The following NCAPD3 variants were observed in gnomAD, a reference collection of about 807,000 sequenced individuals.
NCAPD3 encodes non-SMC condensin II complex subunit D3.
Under a neutral mutation model 182.9 loss-of-function variants are expected in NCAPD3, and 105 were observed. That is an observed-to-expected ratio of 0.57 (90% confidence interval 0.49 to 0.68). The LOEUF (loss-of-function observed/expected upper bound fraction) is 0.68. NCAPD3 is among the 30% of genes least tolerant of loss of function. The probability of loss-of-function intolerance (pLI) is 0.00; values close to 1 mark genes in which losing one functional copy is unlikely to be tolerated. For missense variants in NCAPD3, 1,944 were observed against 1,837.0 expected (o/e 1.06, Z -1.07); for synonymous variants, 815 against 679.9 (o/e 1.20, Z -3.09).
At chr11:134,166,065 C>G (rs1211268593) in intron 27 of NCAPD3, among the ~76,000 whole-genome samples, 8 of 55,062 alleles carry the variant, frequency 1.5e-4, no homozygotes, top group South Asian at 1.1e-3. Flanking sequence ...CTTGGGGGAG[C>G]AGCACACTCA....
chr11:134,153,536 G>A (rs1312376246), intron 32 of NCAPD3, 173 bp from the exon 33 acceptor site: 3 of 672,690 alleles, frequency 4.5e-6, no homozygotes, highest in African/African-American at 1.8e-5. Context: ...CCCTCCTGGG[G>A]ATGCTCCTTT....
chr11:134,219,088 C>T (rs1452048815), intron 2 of NCAPD3, among the ~76,000 whole-genome samples: 1 of 152,204 alleles, frequency 6.6e-6, no homozygotes, highest in Non-Finnish European at 1.5e-5. Flanking sequence ...CCTTACTCTA[C>T]CTTACCATCC....
chr11:134,171,407 G>C (rs1306997323), intron 24 of NCAPD3, among the ~76,000 whole-genome samples: 1 of 152,118 alleles, frequency 6.6e-6, no homozygotes, highest in Non-Finnish European at 1.5e-5. Context: ...TCTGTTTTCA[G>C]CTTTAGTAGG....
At chr11:134,165,828 G>T (rs1398058172) in intron 27 of NCAPD3, among the ~76,000 whole-genome samples, 1 of 147,352 alleles carries the variant, frequency 6.8e-6, no homozygotes, top group Non-Finnish European at 1.5e-5. Context: ...ATGAGCTTGG[G>T]GGAGGCGCAC....
chr11:134,225,387 C>G (rs1315234957), upstream of NCAPD3: 8 of 1,601,368 alleles, frequency 5.0e-6, no homozygotes, highest in Non-Finnish European at 6.8e-6. Context: ...CGCCGACAGC[C>G]GGCCGGGGAG....
chr11:134,221,343 C>G (rs1938219195), intron 1 of NCAPD3, among the ~76,000 whole-genome samples: 1 of 151,704 alleles, frequency 6.6e-6, no homozygotes, highest in African/African-American at 2.4e-5. Flanking sequence ...AACTCTAAAT[C>G]TTCCCATTCT....
chr11:134,167,965 G>A (rs554717789), intron 27 of NCAPD3, 31 bp downstream of exon 27: 2 of 1,602,458 alleles, frequency 1.2e-6, no homozygotes, highest in South Asian at 1.1e-5. Context: ...TCACTTGTGA[G>A]AAGATGATCT....
At chr11:134,222,317 G>A (rs1938261537) in intron 1 of NCAPD3, among the ~76,000 whole-genome samples, 1 of 152,142 alleles carries the variant, frequency 6.6e-6, no homozygotes, top group African/African-American at 2.4e-5. Context: ...AAAATACTAG[G>A]GAAGCCACTT....
At chr11:134,163,759 C>G (rs1253111997) in intron 27 of NCAPD3, among the ~76,000 whole-genome samples, 2 of 145,212 alleles carry the variant, frequency 1.4e-5, no homozygotes, top group Non-Finnish European at 3.0e-5. Context: ...GTAGTCCCAG[C>G]TACTCGGGAG....
At chr11:134,192,321 GGT>G (rs1440799210) in intron 16 of NCAPD3, among the ~76,000 whole-genome samples, 10 of 152,278 alleles carry the variant, frequency 6.6e-5, no homozygotes, top group African/African-American at 2.2e-4. Context: ...AATCCAATGA[GGT>G]GTTAAAAACA....
chr11:134,168,967 A>C lies in NCAPD3; in HGVS notation c.3189T>G (p.Phe1063Leu), dbSNP rs1030234847. The change falls in exon 25 of 35, where the codon TTT (phenylalanine) becomes TTG (leucine). Residue 1063 changes from phenylalanine (F) to leucine (L), a missense_variant. Transcript: ENST00000534548. ...ACTTCTCATGCTTCTCATAGTTATT[A>C]AAGTGAAAAATACATTCAATGAAGT... ...FQHFIECIFH[F>L]NNYEKHEKYN... The C allele has an allele frequency of 6.2e-7, 1 of 1,614,072 alleles. No individual in the cohort carries two copies. The highest frequency in any genetic ancestry group is 8.5e-7 in the Non-Finnish European group (1 of 1,179,948).
At chr11:134,192,625 A>G (rs1171530670) in intron 16 of NCAPD3, 64 bp downstream of exon 16, 8 of 1,423,476 alleles carry the variant, frequency 5.6e-6, no homozygotes, top group Non-Finnish European at 7.8e-6. Flanking sequence ...AATAGGAGAA[A>G]TTTATTAATA....
chr11:134,183,851 A>T (rs1390532531), intron 19 of NCAPD3, among the ~76,000 whole-genome samples: 1 of 152,226 alleles, frequency 6.6e-6, no homozygotes, highest in Non-Finnish European at 1.5e-5. Flanking sequence ...ACAGGAAGGT[A>T]GTTGGGGAGA....
At chr11:134,201,759 G>A (rs970029865) in intron 13 of NCAPD3, among the ~76,000 whole-genome samples, 10 of 152,186 alleles carry the variant, frequency 6.6e-5, no homozygotes, top group Non-Finnish European at 1.2e-4. Flanking sequence ...CTGTTTAGAC[G>A]AAGTCTGGAG....
intron 10 of NCAPD3, 62 bp downstream of exon 10, chr11:134,203,984 A>G: frequency 6.2e-7 from 1 of 1,600,564 alleles, no homozygotes; most frequent in East Asian, 2.2e-5. Context: ...GACCTAGAAA[A>G]AGAGACCCTT....
intron 24 of NCAPD3, among the ~76,000 whole-genome samples, chr11:134,175,704 G>C (rs1404470531): frequency 2.0e-5 from 3 of 151,926 alleles, no homozygotes; most frequent in Admixed American, 6.6e-5. Flanking sequence ...CTCTAGGGTA[G>C]CAAATTCTAT....
chr11:134,205,593 T>C (rs1464732102), intron 8 of NCAPD3, among the ~76,000 whole-genome samples: 1 of 152,094 alleles, frequency 6.6e-6, no homozygotes, highest in Non-Finnish European at 1.5e-5. Flanking sequence ...GCCAGGCTCG[T>C]CTTCAACTCC....
intron 27 of NCAPD3, among the ~76,000 whole-genome samples, chr11:134,163,073 G>A (rs1352373661): frequency 6.6e-6 from 1 of 152,126 alleles, no homozygotes; most frequent in Non-Finnish European, 1.5e-5. Context: ...GAAGTGGAGA[G>A]GTTAGAGGTG....
At chr11:134,197,845 T>A (rs1944668836) in intron 13 of NCAPD3, among the ~76,000 whole-genome samples, 1 of 152,108 alleles carries the variant, frequency 6.6e-6, no homozygotes, top group African/African-American at 2.4e-5. Flanking sequence ...CTTTCCATGA[T>A]AAAAACTCAG....
Sources: gnomAD v4.1 joint callset for allele counts (sites outside exome capture counted in the v4.1 genomes callset) on GRCh38, gnomAD v4.1.1 for gene constraint, MANE v1.5 for transcripts, NCBI Gene and HGNC (gene_info 2026-07-23, HGNC 2026-07-21) for gene names.